The following GRAMD2A variants were observed in gnomAD, a reference collection of about 807,000 sequenced individuals.
GRAMD2A encodes the protein GRAM domain containing 2A, also known as GRAM domain-containing protein 2A.
In GRAMD2A, 37 loss-of-function variants were observed where a neutral mutation model predicts 51.1. The ratio of observed to expected loss-of-function variants is 0.72; its 90% confidence interval spans 0.56 to 0.95. The LOEUF (loss-of-function observed/expected upper bound fraction) is 0.95. Ranked by LOEUF, GRAMD2A falls within the 40% of genes least tolerant of loss-of-function variation. GRAMD2A has a pLI of 0.00. For missense variants in GRAMD2A, 414 were observed against 426.9 expected, an observed-to-expected ratio of 0.97 and a Z score of 0.27; for synonymous variants, 136 against 157.1, an observed-to-expected ratio of 0.87 and a Z score of 1.01.
intron 2 of GRAMD2A, 104 bp downstream of exon 2, chr15:72,169,743 G>A (rs2081589260): frequency 5.4e-6 from 5 of 921,410 alleles, no homozygotes; most frequent in Non-Finnish European, 9.0e-6. Flanking sequence ...GACCTGCAAA[G>A]GGGCCCCGGC....
At chr15:72,184,751 C>A (rs1462443449) in intron 1 of GRAMD2A, among the ~76,000 whole-genome samples, 1 of 152,230 alleles carries the variant, frequency 6.6e-6, no homozygotes, top group Admixed American at 6.5e-5. Flanking sequence ...TGCCTGCTCT[C>A]GCCACTGTTA....
rs1456238552 is a variant in GRAMD2A at position 72,166,727 on chromosome 15, C to G, written c.472-24G>C. The stretch of plus-strand genomic sequence containing the variant: ...TACTGGGACATGGAAAGAAAACAGA[C>G]AGGGGTAGGGTGAGATGAGACTCCT... On this transcript the variant is annotated intron_variant, in intron 6 of 11. Transcript: ENST00000309731. The surrounding 1 kb of genome is among the most constrained non-coding windows in gnomAD (Gnocchi z 4.1). 6 of 1,598,518 alleles carry G rather than the reference C, an allele frequency of 3.8e-6. No individual in the cohort carries two copies. The African/African-American group carries it at 5.4e-5, about 14-fold the overall frequency.
chr15:72,195,094 C>T (rs915242562), intron 1 of GRAMD2A, among the ~76,000 whole-genome samples: 1 of 152,190 alleles, frequency 6.6e-6, no homozygotes, highest in Non-Finnish European at 1.5e-5. Context: ...TTTCACTCCA[C>T]CAAAAGATAA....
rs144223458 is a variant in GRAMD2A at position 72,190,956 on chromosome 15, G to A, written c.41+6775C>T. The stretch of plus-strand genomic sequence containing the variant: ...GAAGTCATTGAAGCCTGGAGTCATG[G>A]CTCAAGAACTCAGGAACCAACTTAA... On this transcript the variant is annotated intron_variant, in intron 1 of 11. Coordinates refer to ENST00000309731, the MANE Select transcript of GRAMD2A (RefSeq NM_001012642.3). Among the ~76,000 whole-genome samples the A allele has an allele frequency of 7.7e-4, 118 of 152,276 alleles. 1 individual carries two copies. The highest frequency in any genetic ancestry group is 3.4e-3 in the Middle Eastern group (1 of 294).
chr15:72,168,970 C>T lies in GRAMD2A; in HGVS notation c.161G>A (p.Gly54Asp). 6.2e-7 allele frequency: 1 copy of T among 1,614,234 alleles called. No individual in the cohort carries two copies. Among genetic ancestry groups the T allele is most frequent in the Non-Finnish European group, 8.5e-7 (1 of 1,180,020 alleles). Residue 54 changes from glycine (G) to aspartate (D), a missense_variant, in exon 3 of 12, where the codon GGT becomes GAT. By Grantham distance (94) the Gly-to-Asp change is moderately conservative. Transcript: ENST00000309731. ...TCGGCCACACTTCTTTATCTCTTCA[C>T]CCTTCAAGCCTTCTGGCCAGTGCAG... ...YSLHWPEGLK[G>D]EEIKKCGREG...
chr15:72,184,661 TGAG>T (rs2081722684), intron 1 of GRAMD2A, among the ~76,000 whole-genome samples: 1 of 152,218 alleles, frequency 6.6e-6, no homozygotes, highest in East Asian at 1.9e-4. Flanking sequence ...GACCTCGTCT[TGAG>T]GAGCTTGCTA....
intron 2 of GRAMD2A, 38 bp from the exon 3 acceptor site, chr15:72,169,034 C>T (rs749083855): frequency 6.3e-7 from 1 of 1,587,252 alleles, no homozygotes. Context: ...ACAAGGAACC[C>T]CAGTCCTGCC....
intron 1 of GRAMD2A, among the ~76,000 whole-genome samples, chr15:72,175,374 C>T (rs1163378247): frequency 1.3e-5 from 2 of 152,182 alleles, no homozygotes; most frequent in African/African-American, 2.4e-5. Flanking sequence ...CTGCCACTCT[C>T]CTGCTGATGC....
Position 72,163,612 on chromosome 15 carries a change from C to T in GRAMD2A, c.745+1G>A. On this transcript the variant is annotated splice_donor_variant, in intron 9 of 11. Coordinates refer to ENST00000309731, the MANE Select transcript of GRAMD2A (RefSeq NM_001012642.3). LOFTEE classifies it high-confidence loss of function. The stretch of plus-strand genomic sequence containing the variant: ...CCATGGACAAGCCCTCCCGAACTTA[C>T]CAGACATTGGAGGCTTCCTGGAGGG... The T allele has an allele frequency of 6.3e-7, 1 of 1,595,770 alleles. No individual in the cohort carries two copies. The highest frequency in any genetic ancestry group is 8.5e-7 in the Non-Finnish European group (1 of 1,173,286).
rs60618044 is a variant in GRAMD2A at position 72,176,854 on chromosome 15, CTT to C, written c.42-6917_42-6916del. ...GTGCACATTAGAATCACCTGCAGTG[CTT>C]TTTTTTTTTTTTTTTTTTTTTTTAA... is the stretch of plus-strand genomic sequence containing the variant. On this transcript the variant is annotated intron_variant, in intron 1 of 11. Transcript: ENST00000309731. 2.7e-3 allele frequency among the ~76,000 whole-genome samples: 195 copies of C among 72,174 alleles called. 1 individual carries two copies. The highest frequency in any genetic ancestry group is 0.016 in the East Asian group (40 of 2,534). The allele number at this position is 72,174 out of a possible 152,430, so 47.3% of individuals were successfully genotyped here. A position where few individuals can be genotyped will look rare whatever the true frequency, so the allele number is the denominator to read the frequency against.
chr15:72,177,657 T>C (rs376067208), intron 1 of GRAMD2A, among the ~76,000 whole-genome samples: 13 of 152,254 alleles, frequency 8.5e-5, no homozygotes, highest in African/African-American at 2.2e-4. Context: ...GTCTTGTGCA[T>C]GCAAGTATTC....
intron 1 of GRAMD2A, among the ~76,000 whole-genome samples, chr15:72,185,055 T>C (rs2081725230): frequency 6.6e-6 from 1 of 152,196 alleles, no homozygotes; most frequent in Non-Finnish European, 1.5e-5. Flanking sequence ...ATTGGGGCAA[T>C]TGGCTACCTC....
chr15:72,185,233 G>A (rs1295957852), intron 1 of GRAMD2A, among the ~76,000 whole-genome samples: 1 of 125,732 alleles, frequency 8.0e-6, no homozygotes, highest in Non-Finnish European at 1.6e-5. Context: ...TTGCTCTGTT[G>A]CCCAGGCTAG....
At position 72,163,718 on chromosome 15, in the gene GRAMD2A, G is replaced by A. The variant is rs774101794; in HGVS notation, c.640C>T (p.Pro214Ser). 1 of 1,610,376 alleles carries A rather than the reference G, an allele frequency of 6.2e-7. No homozygotes were observed. Among genetic ancestry groups the A allele is most frequent in the Non-Finnish European group, 8.5e-7 (1 of 1,179,050 alleles). Reference protein sequence around the residue: ...IPEMKWRKVCPSSRSLSLPDN... With the variant: ...IPEMKWRKVCSSSRSLSLPDN... The stretch of plus-strand genomic sequence containing the variant: ...GGGAGAGACAGGGACCTGGAGGAAG[G>A]GCATACCTTTCTCCACTTCATCTCA... Residue 214 changes from proline to serine, a missense_variant, in exon 9 of 12, where the codon CCT (proline) becomes TCT (serine). By Grantham distance (74) the Pro-to-Ser change is moderately conservative (BLOSUM62 -1). Transcript: ENST00000309731.
Position 72,170,485 on chromosome 15 carries a change from C to T in GRAMD2A, c.42-546G>A, listed in dbSNP as rs754210714. 11 of 447,636 alleles carry T rather than the reference C, an allele frequency of 2.5e-5. No individual in the cohort carries two copies. Among genetic ancestry groups the T allele is most frequent in the Admixed American group, 4.8e-5 (2 of 41,972 alleles). 27.7% of individuals were successfully genotyped at this position (447,636 alleles called of 1,614,324 possible). On this transcript the variant is annotated intron_variant, in intron 1 of 11. Coordinates refer to ENST00000309731, the MANE Select transcript of GRAMD2A (RefSeq NM_001012642.3). The surrounding 1 kb of genome is among the most constrained non-coding windows in gnomAD (Gnocchi z 4.5). ...TGAGTGTGGCCAGGAGGGGAGGAGC[C>T]GTCTTATACCAGGAAGTGGCCTCAG...
At chr15:72,169,752 G>C in intron 2 of GRAMD2A, 95 bp downstream of exon 2, 1 of 1,011,746 alleles carries the variant, frequency 9.9e-7, no homozygotes, top group South Asian at 1.3e-5. Context: ...AGGGGCCCCG[G>C]CTCTGCCTTG....
intron 1 of GRAMD2A, among the ~76,000 whole-genome samples, chr15:72,184,032 C>T (rs141926808): frequency 9.8e-4 from 150 of 152,366 alleles, no homozygotes; most frequent in African/African-American, 3.5e-3. Context: ...ACCTGCCCTC[C>T]GCCCTCCCTC....
At chr15:72,169,470 G>A (rs570391127) in intron 2 of GRAMD2A, 43 of 523,102 alleles carry the variant, frequency 8.2e-5, no homozygotes, top group East Asian at 6.2e-4. Flanking sequence ...CCTCCCTGCC[G>A]CCTCCTTCCT....
At position 72,166,142 on chromosome 15, in the gene GRAMD2A, C is replaced by A. The variant is rs111551746; in HGVS notation, c.543+490G>T. ...CCTCGGCCTCCCAAAGTGCTGGGACCATACAGCCATTGTTTTTCACATTCA... is the reference window on the plus strand; with the variant it reads ...CCTCGGCCTCCCAAAGTGCTGGGACAATACAGCCATTGTTTTTCACATTCA... On this transcript the variant is annotated intron_variant, in intron 7 of 11. Transcript: ENST00000309731. This position sits in a 1 kb window ranked among gnomAD's most constrained non-coding sequence, Gnocchi z 4.1. Among the ~76,000 whole-genome samples the A allele has an allele frequency of 6.6e-6, 1 of 152,094 alleles. No individual in the cohort carries two copies. Among genetic ancestry groups the A allele is most frequent in the African/African-American group, 2.4e-5 (1 of 41,414 alleles).
Sources: allele counts gnomAD v4.1 joint callset (sites outside exome capture counted in the v4.1 genomes callset), GRCh38; gene constraint gnomAD v4.1.1; non-coding constraint Gnocchi (gnomAD v3.1); transcripts MANE v1.5; gene names NCBI Gene and HGNC (gene_info 2026-07-23, HGNC 2026-07-21).